The following EXT2 variants were observed in gnomAD, a reference collection of about 807,000 sequenced individuals.
The protein encoded by EXT2 is exostosin glycosyltransferase 2.
In EXT2, 53 loss-of-function variants were observed where a neutral mutation model predicts 81.6. The observed-to-expected ratio is 0.65, with a 90% CI of 0.52 to 0.82. The LOEUF (loss-of-function observed/expected upper bound fraction) is 0.82, where lower values mean the gene tolerates loss of function less well. EXT2 is among the 40% of genes least tolerant of loss of function. EXT2 has a pLI of 0.00. For synonymous variants in EXT2, 320 were observed against 340.0 expected (o/e 0.94, Z 0.65); for missense variants, 774 against 910.2 (o/e 0.85, Z 1.93).
Position 44,207,099 on chromosome 11 carries a change from G to A in EXT2, c.1662+140G>A, listed in dbSNP as rs1225394047. 27 of 941,990 alleles carry A rather than the reference G, an allele frequency of 2.9e-5. 1 individual carries two copies. The highest frequency in any genetic ancestry group is 1.4e-4 in the South Asian group (9 of 64,980). 58.4% of individuals were successfully genotyped at this position (941,990 alleles called of 1,614,324 possible). A position where few individuals can be genotyped will look rare whatever the true frequency, so the allele number is the denominator to read the frequency against. Reference sequence around the variant, plus strand: ...TTCCAGTAGAGTCCAAAAGGTGTGCGTAAGAGTGTGGGTTATGAAGCTGTT... The same window carrying A: ...TTCCAGTAGAGTCCAAAAGGTGTGCATAAGAGTGTGGGTTATGAAGCTGTT... On this transcript the variant is annotated intron_variant, in intron 10 of 13. Transcript: ENST00000533608.
chr11:44,177,282 C>T (rs1251154698), intron 8 of EXT2, among the ~76,000 whole-genome samples: 1 of 152,178 alleles, frequency 6.6e-6, no homozygotes, highest in African/African-American at 2.4e-5. Context: ...TATGCCTTTT[C>T]AGTCTCTTCA....
At chr11:44,098,171 G>C (rs770780921) in intron 1 of EXT2, among the ~76,000 whole-genome samples, 11 of 152,224 alleles carry the variant, frequency 7.2e-5, no homozygotes, top group Middle Eastern at 6.8e-3. Context: ...TTAACTTCTT[G>C]GTGGTAGGGA....
At chr11:44,233,462 C>T (rs769789750) in intron 11 of EXT2, among the ~76,000 whole-genome samples, 27 of 151,994 alleles carry the variant, frequency 1.8e-4, no homozygotes, top group Non-Finnish European at 3.2e-4. Context: ...GTTTTTGACT[C>T]TTTTTTTATT....
intron 8 of EXT2, among the ~76,000 whole-genome samples, chr11:44,179,711 T>G (rs1291013818): frequency 5.9e-5 from 9 of 152,354 alleles, no homozygotes; most frequent in African/African-American, 1.9e-4. Flanking sequence ...TGAATTTTGT[T>G]TCCGTTTCTA....
chr11:44,164,980 G>A (rs1372768897), intron 7 of EXT2, among the ~76,000 whole-genome samples: 1 of 150,044 alleles, frequency 6.7e-6, no homozygotes, highest in African/African-American at 2.5e-5. Flanking sequence ...CCGGGTTCAC[G>A]CCATTCTCCT....
At chr11:44,118,177 G>A (rs1229199877) in intron 4 of EXT2, among the ~76,000 whole-genome samples, 2 of 152,138 alleles carry the variant, frequency 1.3e-5, no homozygotes, top group South Asian at 2.1e-4. Flanking sequence ...GATAGCTGAT[G>A]CTGTTTCTTT....
intron 1 of EXT2, among the ~76,000 whole-genome samples, chr11:44,104,045 A>T (rs989729162): frequency 6.6e-6 from 1 of 151,846 alleles, no homozygotes; most frequent in South Asian, 2.1e-4. Context: ...CTTTGTTGTG[A>T]TATGTCTTTT....
chr11:44,125,897 C>T (rs1954395970), intron 5 of EXT2, among the ~76,000 whole-genome samples: 1 of 152,196 alleles, frequency 6.6e-6, no homozygotes, highest in Admixed American at 6.5e-5. Flanking sequence ...TTTCCACCTG[C>T]ACCTCCGGGT....
chr11:44,211,249 C>CAT (rs905897618), intron 10 of EXT2, among the ~76,000 whole-genome samples: 2 of 152,172 alleles, frequency 1.3e-5, no homozygotes, highest in Non-Finnish European at 2.9e-5. Flanking sequence ...GTAGAACTGC[C>CAT]ATATGATCCA....
At chr11:44,212,301 AAATAAATAAATAAATAAATAAAT>A (rs1955659127) in intron 10 of EXT2, among the ~76,000 whole-genome samples, 11 of 124,016 alleles carry the variant, frequency 8.9e-5, no homozygotes, top group African/African-American at 2.0e-4. Flanking sequence ...ATAAAAATAT[AAATAAATAAATAAATAAATAAAT>A]AAATAAATAA....
Position 44,248,614 on chromosome 11 carries a change from T to G in EXT2, c.*4327T>G, listed in dbSNP as rs145604044. 2.0e-5 allele frequency among the ~76,000 whole-genome samples: 3 copies of G among 152,294 alleles called. No homozygotes were observed. Among genetic ancestry groups the G allele is most frequent in the Non-Finnish European group, 2.9e-5 (2 of 68,030 alleles). On this transcript the variant is annotated 3_prime_UTR_variant, in exon 14 of 14. Coordinates refer to ENST00000533608, the MANE Select transcript of EXT2 (RefSeq NM_207122.2). ...CAGGCAGGCAAGACCCACTCTAAAT[T>G]TTAATGTTTCCCCCTCATTTTAGGG... is the stretch of plus-strand genomic sequence containing the variant.
chr11:44,201,927 A>G (rs1370802143), intron 9 of EXT2, among the ~76,000 whole-genome samples: 2 of 152,324 alleles, frequency 1.3e-5, no homozygotes, highest in Middle Eastern at 3.4e-3. Flanking sequence ...CGAAAGGGAT[A>G]CTGTCAGAAG....
At chr11:44,144,475 T>A in intron 7 of EXT2, 1 of 741,732 alleles carries the variant, frequency 1.3e-6, no homozygotes, top group Non-Finnish European at 2.2e-6. Flanking sequence ...CTCTTGGAGG[T>A]GCAAGCCACT....
chr11:44,230,509 A>G (rs1488203446), intron 10 of EXT2, among the ~76,000 whole-genome samples: 1 of 152,186 alleles, frequency 6.6e-6, no homozygotes, highest in African/African-American at 2.4e-5. Flanking sequence ...AATCAAGTTA[A>G]AATGTTGTCA....
At chr11:44,123,929 C>G (rs980790340) in intron 4 of EXT2, among the ~76,000 whole-genome samples, 1 of 150,796 alleles carries the variant, frequency 6.6e-6, no homozygotes, top group African/African-American at 2.5e-5. Context: ...GATCTTTCTT[C>G]CCTCTGTCTT....
At chr11:44,231,539 TAAAGAA>T (rs910471304) in intron 10 of EXT2, among the ~76,000 whole-genome samples, 3 of 152,176 alleles carry the variant, frequency 2.0e-5, no homozygotes, top group African/African-American at 7.2e-5. Context: ...TGAGACTACT[TAAAGAA>T]AGAGTTTGAA....
At chr11:44,146,947 C>T (rs1954726103) in intron 7 of EXT2, among the ~76,000 whole-genome samples, 2 of 152,174 alleles carry the variant, frequency 1.3e-5, no homozygotes, top group South Asian at 2.1e-4. Context: ...ATTCTTCATT[C>T]TTACGCTTAC....
intron 3 of EXT2, among the ~76,000 whole-genome samples, chr11:44,111,774 G>T (rs893460731): frequency 1.3e-5 from 2 of 151,960 alleles, no homozygotes; most frequent in Non-Finnish European, 2.9e-5. Context: ...CTCCACCTCC[G>T]CTAGATTATC....
intron 7 of EXT2, among the ~76,000 whole-genome samples, chr11:44,159,042 T>G (rs1954893645): frequency 1.3e-5 from 2 of 152,054 alleles, no homozygotes; most frequent in South Asian, 4.2e-4. Context: ...TTCTGAAGTT[T>G]GCATACCATA....
Sources: gnomAD v4.1 joint callset for allele counts (sites outside exome capture counted in the v4.1 genomes callset) on GRCh38, gnomAD v4.1.1 for gene constraint, MANE v1.5 for transcripts, NCBI Gene and HGNC (gene_info 2026-07-23, HGNC 2026-07-21) for gene names.